Variants in SPG11 observed in about 807,000 individuals in gnomAD.
The protein encoded by SPG11 is spatacsin.
SPG11 carries 222 observed loss-of-function variants against 274.0 expected under a neutral mutation model. The observed-to-expected ratio is 0.81, with a 90% CI of 0.73 to 0.91. SPG11 has a LOEUF of 0.91. SPG11 is among the 40% of genes least tolerant of loss of function. The probability of loss-of-function intolerance (pLI) is 0.00; values close to 1 mark genes in which losing one functional copy is unlikely to be tolerated. For missense variants in SPG11, 3,114 were observed against 2,872.7 expected, an observed-to-expected ratio of 1.08 and a Z score of -1.92; for synonymous variants, 1,144 against 1,039.7, an observed-to-expected ratio of 1.10 and a Z score of -1.93.
At chr15:44,633,370 T>TC (rs2084136887) in intron 8 of SPG11, 135 bp downstream of exon 8, 1 of 212,106 alleles carries the variant, frequency 4.7e-6, no homozygotes, top group African/African-American at 3.5e-5. Context: ...AAAGAAAGTT[T>TC]CCAAAAAGTA....
chr15:44,644,309 A>T (rs1365559957), intron 7 of SPG11, among the ~76,000 whole-genome samples: 4 of 152,208 alleles, frequency 2.6e-5, no homozygotes, highest in African/African-American at 9.6e-5. Context: ...AATGTGATTC[A>T]TCATATAAAC....
Position 44,651,987 on chromosome 15 carries a change from A to C in SPG11, c.1008-48T>G, listed in dbSNP as rs756877013. On this transcript the variant is annotated intron_variant, in intron 5 of 39. Transcript: ENST00000261866. ...CTTAACACCTGTCACAGTAAAAGGC[A>C]CTATGTAAAACACTAAACCAGGGCA... is the stretch of plus-strand genomic sequence containing the variant. 5 of 1,578,276 alleles carry C rather than the reference A, an allele frequency of 3.2e-6. No homozygotes were observed. Among genetic ancestry groups the C allele is most frequent in the Admixed American group, 1.8e-5 (1 of 54,788 alleles).
chr15:44,618,751 C>T (rs2083659924), intron 15 of SPG11, among the ~76,000 whole-genome samples: 1 of 151,226 alleles, frequency 6.6e-6, no homozygotes. Flanking sequence ...ACCCAGAAGG[C>T]AGAGCTTGTA....
Position 44,657,164 on chromosome 15 carries a change from T to G in SPG11, c.800A>C (p.Asp267Ala), listed in dbSNP as rs1189328432. Reference sequence around the variant, plus strand: ...GCTGACAATCACTGCAACATCGAGGTCTTGAGAAACTTTCAGTGAAGTAAA... The same window carrying G: ...GCTGACAATCACTGCAACATCGAGGGCTTGAGAAACTTTCAGTGAAGTAAA... The part of the protein sequence containing the change: ...SSFTSLKVSQ[D>A]LDVAVIVSSS... Residue 267 changes from aspartate to alanine, a missense_variant, in exon 4 of 40, where the codon GAC becomes GCC. Coordinates refer to ENST00000261866, the MANE Select transcript of SPG11 (RefSeq NM_025137.4). 3 of 1,613,980 alleles carry G rather than the reference T, an allele frequency of 1.9e-6. No homozygotes were observed. The highest frequency in any genetic ancestry group is 2.5e-6 in the Non-Finnish European group (3 of 1,180,012).
chr15:44,600,612 G>A lies in SPG11; in HGVS notation c.3541C>T (p.His1181Tyr). ...TTAACCAGGTCAGGGCTAGAGAAAT[G>A]TGGGAGATGACTCCATGCATCTAGG... ...AIGDAWSHLP[H>Y]FSSPDLVNKY... The change falls in exon 21 of 40, where the codon CAT becomes TAT. Residue 1181 changes from histidine to tyrosine, a missense_variant. Transcript: ENST00000261866. 6.2e-7 allele frequency: 1 copy of A among 1,614,078 alleles called. No homozygotes were observed. The highest frequency in any genetic ancestry group is 8.5e-7 in the Non-Finnish European group (1 of 1,179,970).
intron 15 of SPG11, among the ~76,000 whole-genome samples, chr15:44,619,849 A>G (rs1004932910): frequency 6.6e-6 from 1 of 151,732 alleles, no homozygotes; most frequent in Non-Finnish European, 1.5e-5. Context: ...CAGCCTCCCA[A>G]GTAGTTGGGA....
At chr15:44,654,875 A>G (rs1349732756) in intron 4 of SPG11, among the ~76,000 whole-genome samples, 1 of 152,206 alleles carries the variant, frequency 6.6e-6, no homozygotes, top group African/African-American at 2.4e-5. Flanking sequence ...ATCAGAACCT[A>G]TGTAATGTAC....
chr15:44,606,184 C>T, intron 19 of SPG11, 93 bp from the exon 20 acceptor site: 2 of 1,094,912 alleles, frequency 1.8e-6, no homozygotes, highest in Non-Finnish European at 2.7e-6. Context: ...AGGTAGTCTG[C>T]TCCCCTTTTC....
Position 44,584,122 on chromosome 15 carries a change from T to G in SPG11, c.5558A>C (p.Lys1853Thr). 6.2e-7 allele frequency: 1 copy of G among 1,614,222 alleles called. No homozygotes were observed. Among genetic ancestry groups the G allele is most frequent in the Non-Finnish European group, 8.5e-7 (1 of 1,180,030 alleles). The change falls in exon 30 of 40, where the codon AAA becomes ACA. Residue 1853 changes from lysine (K) to threonine (T), a missense_variant. By Grantham distance (78) the Lys-to-Thr change is moderately conservative. Transcript: ENST00000261866. ...FSKLAALNTS[K>T]YLELNSLPSK... The stretch of plus-strand genomic sequence containing the variant: ...TGGAAGGCTGTTAAGTTCTAAGTAT[T>G]TTGATGTGTTCAGAGCAGCCAACTT...
intron 8 of SPG11, among the ~76,000 whole-genome samples, chr15:44,629,692 G>A (rs1457992218): frequency 6.6e-6 from 1 of 152,150 alleles, no homozygotes; most frequent in Non-Finnish European, 1.5e-5. Context: ...AACTTAAGAG[G>A]TAGGTGTGTA....
At chr15:44,649,119 A>AGAG in intron 6 of SPG11, 108 bp from the exon 7 acceptor site, 1 of 827,822 alleles carries the variant, frequency 1.2e-6, no homozygotes, top group Admixed American at 2.3e-5. Context: ...AATTACAAAT[A>AGAG]TATTTATATT....
rs753974440 is a variant in SPG11 at position 44,651,819 on chromosome 15, G to C, written c.1128C>G (p.Asn376Lys). ...ILHLESPESG[N>K]HSTSVQSWAF... Reference sequence around the variant, plus strand: ...CCCAGCTCTGCACACTTGTACTGTGGTTACCAGATTCAGGTGACTCCAAAT... The same window carrying C: ...CCCAGCTCTGCACACTTGTACTGTGCTTACCAGATTCAGGTGACTCCAAAT... Residue 376 changes from asparagine to lysine, a missense_variant, in exon 6 of 40, where the codon AAC becomes AAG. Transcript: ENST00000261866. The C allele has an allele frequency of 3.7e-6, 6 of 1,614,126 alleles. No homozygotes were observed. The highest frequency in any genetic ancestry group is 1.7e-5 in the Admixed American group (1 of 60,020).
At chr15:44,659,334 C>T in intron 2 of SPG11, 31 bp from the exon 3 acceptor site, 1 of 1,566,364 alleles carries the variant, frequency 6.4e-7, no homozygotes, top group Non-Finnish European at 8.8e-7. Context: ...ATTTCAAACT[C>T]ATTGGTCACA....
chr15:44,604,232 G>A (rs1013713191), intron 20 of SPG11: 14 of 389,804 alleles, frequency 3.6e-5, no homozygotes, highest in Non-Finnish European at 6.5e-5. Flanking sequence ...GACCCTGGAG[G>A]TATCTGTCAT....
intron 7 of SPG11, among the ~76,000 whole-genome samples, chr15:44,643,414 G>C (rs1159266229): frequency 6.6e-6 from 1 of 152,100 alleles, no homozygotes; most frequent in Non-Finnish European, 1.5e-5. Flanking sequence ...TTCTTACAAT[G>C]ATATTTTAGA....
chr15:44,614,648 C>T (rs1266573741), intron 16 of SPG11, among the ~76,000 whole-genome samples: 2 of 152,184 alleles, frequency 1.3e-5, no homozygotes, highest in African/African-American at 2.4e-5. Flanking sequence ...AGCTGTGTGC[C>T]TTAAGTAACA....
At chr15:44,574,788 A>G in intron 31 of SPG11, 114 bp downstream of exon 31, 1 of 1,263,998 alleles carries the variant, frequency 7.9e-7, no homozygotes, top group South Asian at 1.2e-5. Flanking sequence ...TAAGAGCTCT[A>G]CTCCCAGGTC....
At chr15:44,626,271 T>C in intron 11 of SPG11, 60 bp downstream of exon 11, 2 of 1,425,752 alleles carry the variant, frequency 1.4e-6, no homozygotes, top group Non-Finnish European at 1.9e-6. Flanking sequence ...CAAACCAATT[T>C]TATAATAACT....
chr15:44,596,992 CATTAA>C, intron 23 of SPG11, 49 bp from the exon 24 acceptor site: 1 of 1,577,672 alleles, frequency 6.3e-7, no homozygotes, highest in Non-Finnish European at 8.7e-7. Context: ...ACAAAAAACT[CATTAA>C]AATATAGCTT....
Sources: gnomAD v4.1 joint callset for allele counts (sites outside exome capture counted in the v4.1 genomes callset) on GRCh38, gnomAD v4.1.1 for gene constraint, MANE v1.5 for transcripts, NCBI Gene and HGNC (gene_info 2026-07-23, HGNC 2026-07-21) for gene names.